Variants in KIAA0232 observed in about 807,000 individuals in gnomAD.
KIAA0232 encodes the protein KIAA0232, also known as uncharacterized protein KIAA0232.
KIAA0232 carries 27 observed loss-of-function variants against 122.0 expected under a neutral mutation model. The observed-to-expected ratio is 0.22, with a 90% CI of 0.16 to 0.31. KIAA0232 has a LOEUF of 0.31. KIAA0232 is among the 10% of genes least tolerant of loss of function. The probability of loss-of-function intolerance (pLI) is 1.00; values close to 1 mark genes in which losing one functional copy is unlikely to be tolerated. For missense variants in KIAA0232, 1,551 were observed against 1,634.2 expected (o/e 0.95, Z 0.88); for synonymous variants, 613 against 587.6 (o/e 1.04, Z -0.63).
intron 2 of KIAA0232, among the ~76,000 whole-genome samples, chr4:6,813,585 A>C (rs1402098381): frequency 2.0e-5 from 3 of 151,924 alleles, no homozygotes; most frequent in Non-Finnish European, 4.4e-5. Context: ...GATGGTCTCG[A>C]TCTCCTGACC....
chr4:6,833,016 C>G (rs190657650), intron 3 of KIAA0232, among the ~76,000 whole-genome samples: 57 of 152,280 alleles, frequency 3.7e-4, no homozygotes, highest in African/African-American at 1.3e-3. Flanking sequence ...CTCATCCCTT[C>G]TTCATTCAAC....
intron 7 of KIAA0232, among the ~76,000 whole-genome samples, chr4:6,867,763 A>G (rs1467815015): frequency 1.3e-5 from 2 of 152,186 alleles, no homozygotes; most frequent in African/African-American, 4.8e-5. Context: ...CCACTATCCT[A>G]CTGGATGCCC....
intron 3 of KIAA0232, among the ~76,000 whole-genome samples, chr4:6,838,916 G>A (rs1292177780): frequency 6.6e-6 from 1 of 152,068 alleles, no homozygotes; most frequent in African/African-American, 2.4e-5. Context: ...ATCACTTGAG[G>A]CCAGGAGTTC....
intron 2 of KIAA0232, among the ~76,000 whole-genome samples, chr4:6,810,779 T>C (rs902646609): frequency 5.3e-5 from 8 of 152,100 alleles, no homozygotes; most frequent in Non-Finnish European, 5.9e-5. Flanking sequence ...AAGACATGAA[T>C]AGACTTTTTT....
intron 1 of KIAA0232, among the ~76,000 whole-genome samples, chr4:6,783,153 C>T (rs974889734): frequency 2.0e-5 from 3 of 151,620 alleles, no homozygotes; most frequent in Non-Finnish European, 2.9e-5. Flanking sequence ...CCGGGGCCAG[C>T]CTAAGGGAGA....
At chr4:6,845,907 TG>T (rs1279235512) in intron 4 of KIAA0232, among the ~76,000 whole-genome samples, 7 of 152,110 alleles carry the variant, frequency 4.6e-5, no homozygotes, top group African/African-American at 7.2e-5. Context: ...GAGTATGTCG[TG>T]TGATGTGAAG....
At chr4:6,816,124 G>T (rs923152138) in intron 2 of KIAA0232, among the ~76,000 whole-genome samples, 1 of 152,078 alleles carries the variant, frequency 6.6e-6, no homozygotes, top group African/African-American at 2.4e-5. Flanking sequence ...TAGAGGTTCT[G>T]TGGTAGACAA....
At chr4:6,836,528 C>CTTT (rs1323217192) in intron 3 of KIAA0232, among the ~76,000 whole-genome samples, 1 of 95,696 alleles carries the variant, frequency 1.0e-5, no homozygotes, top group Non-Finnish European at 2.3e-5. Context: ...TGTCCTTTTT[C>CTTT]TTTTTTTTTT....
chr4:6,796,305 G>A (rs961181705), intron 1 of KIAA0232, among the ~76,000 whole-genome samples: 4 of 151,784 alleles, frequency 2.6e-5, no homozygotes, highest in Non-Finnish European at 5.9e-5. Flanking sequence ...GCAGTGGCAC[G>A]ATCTCAGCTC....
intron 1 of KIAA0232, among the ~76,000 whole-genome samples, chr4:6,784,116 GGAGATTCAGCGGAGAGGAGGCATGC>G (rs933523809): frequency 2.6e-5 from 4 of 151,962 alleles, no homozygotes; most frequent in African/African-American, 9.7e-5. Flanking sequence ...AAAACAGGAG[GGAGATTCAGCGGAGAGGAGGCATGC>G]GAGATTCTTT....
intron 9 of KIAA0232, among the ~76,000 whole-genome samples, chr4:6,878,420 T>C (rs74731098): frequency 1.5e-4 from 13 of 85,422 alleles, no homozygotes; most frequent in Admixed American, 4.0e-4. Flanking sequence ...TACATAAATA[T>C]ATACATACAT....
Position 6,837,924 on chromosome 4 carries a change from G to GGAGGGA in KIAA0232, c.232-4126_232-4121dup, listed in dbSNP as rs1360638722. Among the ~76,000 whole-genome samples the GGAGGGA allele has an allele frequency of 3.3e-3, 508 of 152,000 alleles. 1 individual carries two copies. Among genetic ancestry groups the GGAGGGA allele is most frequent in the African/African-American group, 0.011 (444 of 41,394 alleles). On this transcript the variant is annotated intron_variant, in intron 3 of 9. Coordinates refer to ENST00000307659, the MANE Select transcript of KIAA0232 (RefSeq NM_014743.3). ...CCGTGCAAAGGGGAGAGGGGGAGGGGGAGGGAGAGGGAGAGGGAGAGGCAG... is the reference window on the plus strand; with the variant it reads ...CCGTGCAAAGGGGAGAGGGGGAGGGGGAGGGAGAGGGAGAGGGAGAGGGAGAGGCAG...
At chr4:6,875,623 T>C (rs984313533) in intron 8 of KIAA0232, among the ~76,000 whole-genome samples, 6 of 152,144 alleles carry the variant, frequency 3.9e-5, no homozygotes, top group African/African-American at 1.4e-4. Flanking sequence ...CTTTGGGGTG[T>C]TGTGCAAGGG....
intron 4 of KIAA0232, among the ~76,000 whole-genome samples, chr4:6,856,350 T>TA (rs897184952): frequency 2.1e-4 from 32 of 152,204 alleles, no homozygotes; most frequent in African/African-American, 7.5e-4. Context: ...TTCTGAGAAA[T>TA]ACATTGACTT....
intron 2 of KIAA0232, among the ~76,000 whole-genome samples, chr4:6,806,540 C>T (rs1241474209): frequency 6.6e-6 from 1 of 151,874 alleles, no homozygotes; most frequent in Non-Finnish European, 1.5e-5. Context: ...CGAGACCGTC[C>T]TTGCTAACAT....
intron 7 of KIAA0232, among the ~76,000 whole-genome samples, chr4:6,868,649 G>A (rs2108820689): frequency 6.6e-6 from 1 of 152,318 alleles, no homozygotes; most frequent in South Asian, 2.1e-4. Flanking sequence ...GCGACCTTCT[G>A]ATCCGCTTTC....
chr4:6,787,858 A>AT (rs1217761214), intron 1 of KIAA0232, among the ~76,000 whole-genome samples: 11 of 152,188 alleles, frequency 7.2e-5, no homozygotes, highest in African/African-American at 2.7e-4. Flanking sequence ...CACCTGAGGG[A>AT]TACGACAGTT....
chr4:6,866,193 T>A (rs1721172808), intron 7 of KIAA0232: 1 of 980,930 alleles, frequency 1.0e-6, no homozygotes, highest in Admixed American at 6.2e-5. Flanking sequence ...TGGTTCCAGA[T>A]TGGGAAGAAA....
intron 1 of KIAA0232, among the ~76,000 whole-genome samples, chr4:6,798,070 A>G (rs189168739): frequency 3.8e-4 from 58 of 152,148 alleles, no homozygotes; most frequent in Non-Finnish European, 7.1e-4. Context: ...AAAAAAAAAA[A>G]AGAGAGACAT....
Sources: allele counts gnomAD v4.1 joint callset (sites outside exome capture counted in the v4.1 genomes callset), GRCh38; gene constraint gnomAD v4.1.1; transcripts MANE v1.5; gene names NCBI Gene and HGNC (gene_info 2026-07-23, HGNC 2026-07-21).